The following LRP1B variants were observed in gnomAD, a reference collection of about 807,000 sequenced individuals.
LRP1B encodes the protein LDL receptor related protein 1B, also known as low-density lipoprotein receptor-related protein 1B.
A neutral mutation model predicts 556.6 loss-of-function variants in LRP1B; 217 were observed. That is an observed-to-expected ratio of 0.39 (90% CI 0.35 to 0.44). The LOEUF (loss-of-function observed/expected upper bound fraction) is 0.44, where lower values mean the gene tolerates loss of function less well. Among genes scored for constraint, LRP1B ranks in the 20% least tolerant of loss-of-function variants. LRP1B has a pLI of 1.00. For synonymous variants in LRP1B, 2,047 were observed against 1,865.8 expected (o/e 1.10, Z -2.50); for missense variants, 5,053 against 5,620.8 (o/e 0.90, Z 3.23).
chr2:140,646,988 A>C (rs1574187856), intron 41 of LRP1B, among the ~76,000 whole-genome samples: 1 of 152,196 alleles, frequency 6.6e-6, no homozygotes, highest in East Asian at 1.9e-4. Flanking sequence ...TTTCTAGACA[A>C]ATGAAAGGAT....
At chr2:140,695,259 A>G (rs1351413668) in intron 41 of LRP1B, among the ~76,000 whole-genome samples, 1 of 151,980 alleles carries the variant, frequency 6.6e-6, no homozygotes, top group Non-Finnish European at 1.5e-5. Flanking sequence ...TTCATAATTC[A>G]TTTGAGTTTT....
intron 66 of LRP1B, among the ~76,000 whole-genome samples, chr2:140,411,175 T>C (rs980716628): frequency 6.6e-6 from 1 of 152,276 alleles, no homozygotes; most frequent in Admixed American, 6.5e-5. Flanking sequence ...ACTATTTTGA[T>C]ATAATTAAGA....
intron 42 of LRP1B, among the ~76,000 whole-genome samples, chr2:140,601,215 A>C (rs1682658153): frequency 6.6e-6 from 1 of 151,680 alleles, no homozygotes; most frequent in Admixed American, 6.6e-5. Context: ...GTTTGCCTTT[A>C]ATTATTTAAA....
intron 2 of LRP1B, among the ~76,000 whole-genome samples, chr2:141,788,739 C>T (rs1488181833): frequency 7.0e-6 from 1 of 143,150 alleles, no homozygotes; most frequent in African/African-American, 2.6e-5. Flanking sequence ...CTTCCTGTGT[C>T]CATGTGTTCT....
intron 43 of LRP1B, among the ~76,000 whole-genome samples, chr2:140,582,355 TAAG>T (rs148088066): frequency 0.1 from 15,971 of 152,180 alleles, 999 homozygotes; most frequent in African/African-American, 0.15. Context: ...CATTCTGTGG[TAAG>T]AAACTCTTCT....
rs563236241 is a variant in LRP1B, at chr2:140,437,957, T to G, written c.10414+4547A>C. 1.1e-4 allele frequency among the ~76,000 whole-genome samples: 17 copies of G among 152,326 alleles called. 1 individual carries two copies. In the South Asian group the frequency reaches 3.5e-3, roughly 32 times the overall value. On this transcript the variant is annotated intron_variant, in intron 66 of 90. Transcript: ENST00000389484. ...AACTTATATAACATGATACTTGTTA[T>G]ATAACTTACATAACATGATACTTGT...
intron 41 of LRP1B, among the ~76,000 whole-genome samples, chr2:140,698,730 G>T (rs995439627): frequency 4.6e-5 from 7 of 152,022 alleles, no homozygotes; most frequent in African/African-American, 1.4e-4. Context: ...GTTACTTAAA[G>T]GTTAGTTGCA....
At chr2:140,236,230 A>G (rs1680691655) in intron 89 of LRP1B, among the ~76,000 whole-genome samples, 1 of 150,970 alleles carries the variant, frequency 6.6e-6, no homozygotes, top group African/African-American at 2.4e-5. Flanking sequence ...GTTCAGAACT[A>G]GACTGAATAT....
At chr2:141,334,197 A>C (rs143368833) in intron 3 of LRP1B, among the ~76,000 whole-genome samples, 1 of 152,166 alleles carries the variant, frequency 6.6e-6, no homozygotes, top group African/African-American at 2.4e-5. Flanking sequence ...CTCCTGTCCA[A>C]CTGTAATCCT....
At chr2:140,248,132 A>G (rs1348736964) in intron 86 of LRP1B, among the ~76,000 whole-genome samples, 1 of 151,692 alleles carries the variant, frequency 6.6e-6, no homozygotes, top group Non-Finnish European at 1.5e-5. Flanking sequence ...GGGCATAGCC[A>G]ATTTTGATAT....
chr2:140,796,214 A>T (rs1032442074), intron 32 of LRP1B, among the ~76,000 whole-genome samples: 1 of 152,108 alleles, frequency 6.6e-6, no homozygotes, highest in Non-Finnish European at 1.5e-5. Context: ...AGAAACAATC[A>T]CTATTTAATG....
intron 66 of LRP1B, among the ~76,000 whole-genome samples, chr2:140,421,436 T>G (rs1376440188): frequency 6.6e-6 from 1 of 152,208 alleles, no homozygotes; most frequent in Non-Finnish European, 1.5e-5. Context: ...TTAACACTAA[T>G]TATTATACTG....
intron 1 of LRP1B, among the ~76,000 whole-genome samples, chr2:141,856,810 C>T (rs898815262): frequency 1.3e-5 from 2 of 151,912 alleles, no homozygotes; most frequent in African/African-American, 2.4e-5. Context: ...CTCCCCGTTT[C>T]AACGATCTCC....
At chr2:141,039,313 T>A (rs973226553) in intron 11 of LRP1B, among the ~76,000 whole-genome samples, 1 of 151,974 alleles carries the variant, frequency 6.6e-6, no homozygotes, top group East Asian at 1.9e-4. Flanking sequence ...CATGTTGTTA[T>A]AATTGTTCTA....
chr2:141,430,877 C>T (rs1296391316), intron 3 of LRP1B, among the ~76,000 whole-genome samples: 1 of 151,950 alleles, frequency 6.6e-6, no homozygotes, highest in Non-Finnish European at 1.5e-5. Context: ...TGCCTGTAAT[C>T]CCAGCACTTT....
chr2:140,296,655 G>T (rs1271741218), intron 84 of LRP1B, among the ~76,000 whole-genome samples: 3 of 152,100 alleles, frequency 2.0e-5, no homozygotes, highest in Admixed American at 2.0e-4. Context: ...CCCAACACAG[G>T]CTAGAGGAAT....
Position 141,741,263 on chromosome 2 carries a change from C to CTTTTTTT in LRP1B, c.205+69009_205+69015dup, listed in dbSNP as rs11326947. 2.3e-3 allele frequency among the ~76,000 whole-genome samples: 136 copies of CTTTTTTT among 57,996 alleles called. 2 individuals are homozygous for CTTTTTTT. Among genetic ancestry groups the CTTTTTTT allele is most frequent in the Non-Finnish European group, 2.8e-3 (85 of 30,584 alleles). The allele number at this position is 57,996 out of a possible 152,430, so 38.0% of individuals were successfully genotyped here. A position where few individuals can be genotyped will look rare whatever the true frequency, so the allele number is the denominator to read the frequency against. ...GTTATCTCTTCAGTATACTGATTTC[C>CTTTTTTT]TTTTTTTTTTTTTTTTTTTTTTTTT... On this transcript the variant is annotated intron_variant, in intron 2 of 90. Transcript: ENST00000389484.
At chr2:142,046,221 C>T (rs1704253907) in intron 1 of LRP1B, among the ~76,000 whole-genome samples, 1 of 151,844 alleles carries the variant, frequency 6.6e-6, no homozygotes. Context: ...GGGGCAGTTT[C>T]TATAAGACAG....
chr2:141,188,174 T>A (rs1177631460), intron 7 of LRP1B, among the ~76,000 whole-genome samples: 5 of 151,972 alleles, frequency 3.3e-5, no homozygotes, highest in African/African-American at 4.8e-5. Flanking sequence ...CTTGGGAAGG[T>A]GGAAGGGAAG....
Sources: gnomAD v4.1 joint callset for allele counts (sites outside exome capture counted in the v4.1 genomes callset) on GRCh38, gnomAD v4.1.1 for gene constraint, MANE v1.5 for transcripts, NCBI Gene and HGNC (gene_info 2026-07-23, HGNC 2026-07-21) for gene names.